KCNN3: variants seen among roughly 807,000 people sequenced by gnomAD.
KCNN3 encodes the protein small conductance calcium-activated potassium channel protein 3.
Under a neutral mutation model 62.9 loss-of-function variants are expected in KCNN3, and 16 were observed. That is an observed-to-expected ratio of 0.25 (90% CI 0.17 to 0.39). KCNN3 has a LOEUF of 0.39. Ranked by LOEUF, KCNN3 falls within the 10% of genes least tolerant of loss-of-function variation. The pLI, the probability that KCNN3 is intolerant of heterozygous loss-of-function variation, is 1.00. For synonymous variants in KCNN3, 370 were observed against 389.2 expected (o/e 0.95, Z 0.58); for missense variants, 599 against 949.4 (o/e 0.63, Z 4.85).
At chr1:154,758,711 C>T (rs1213336798) in intron 3 of KCNN3, among the ~76,000 whole-genome samples, 1 of 152,192 alleles carries the variant, frequency 6.6e-6, no homozygotes, top group Non-Finnish European at 1.5e-5. Flanking sequence ...CACCCATATT[C>T]CCTCTCAGCT....
Position 154,869,957 on chromosome 1 carries a change from G to A in KCNN3, c.8C>T (p.Thr3Ile), listed in dbSNP as rs879156430. The change falls in exon 1 of 8, where the codon ACT becomes ATT. Residue 3 changes from threonine to isoleucine, a missense_variant. Coordinates refer to ENST00000271915, the MANE Select transcript of KCNN3 (RefSeq NM_002249.6). This position sits in a 1 kb window ranked among gnomAD's most constrained non-coding sequence, Gnocchi z 6.1. The stretch of plus-strand genomic sequence containing the variant: ...CCCCGAGTCATGGAAGTGCCCAGAA[G>A]TGTCCATCTTGGGGCCTGGCTGTAT... MD[T>I]SGHFHDSGVG... The A allele has an allele frequency of 2.5e-6, 4 of 1,611,098 alleles. No homozygotes were observed. The highest frequency in any genetic ancestry group is 3.4e-6 in the Non-Finnish European group (4 of 1,178,712).
At chr1:154,855,739 T>C (rs1369221313) in intron 1 of KCNN3, among the ~76,000 whole-genome samples, 1 of 152,220 alleles carries the variant, frequency 6.6e-6, no homozygotes, top group Non-Finnish European at 1.5e-5. Flanking sequence ...AACAATACAC[T>C]GGCACATAAC....
intron 3 of KCNN3, among the ~76,000 whole-genome samples, chr1:154,735,399 G>T (rs955803769): frequency 5.3e-5 from 8 of 152,162 alleles, no homozygotes; most frequent in African/African-American, 1.9e-4. Flanking sequence ...ATGGGTGTCT[G>T]GTACTTCTGG....
chr1:154,787,779 C>T (rs1452651353), intron 2 of KCNN3, among the ~76,000 whole-genome samples: 3 of 152,204 alleles, frequency 2.0e-5, no homozygotes, highest in African/African-American at 4.8e-5. Context: ...TCTAAACCCC[C>T]GTTTGGATAT....
chr1:154,739,628 G>A lies in KCNN3; in HGVS notation c.1449-6484C>T, dbSNP rs188042931. ...CTTTTGCAATCCTTTCCTTTTGAGT[G>A]TGGGCTGGACCAAGTAACTGGTTTC... On this transcript the variant is annotated intron_variant, in intron 3 of 7. Transcript: ENST00000271915. Among the ~76,000 whole-genome samples the A allele has an allele frequency of 2.3e-3, 357 of 152,314 alleles. 1 individual carries two copies. In the Middle Eastern group the frequency reaches 0.024, roughly 10 times the overall value.
At chr1:154,776,717 T>C (rs917878254) in intron 2 of KCNN3, among the ~76,000 whole-genome samples, 3 of 152,210 alleles carry the variant, frequency 2.0e-5, no homozygotes. Flanking sequence ...ATCCCAATTA[T>C]TGATTTGCAT....
chr1:154,703,907 A>AT lies in KCNN3; in HGVS notation c.*4068dup, dbSNP rs1699915444. On this transcript the variant is annotated 3_prime_UTR_variant, in exon 8 of 8. Coordinates refer to ENST00000271915, the MANE Select transcript of KCNN3 (RefSeq NM_002249.6). ...CTTAAGAATATTAATTATTCTCTTCATTTTAAGTACAGAGAAATTGATGTA... is the reference window on the plus strand; with the variant it reads ...CTTAAGAATATTAATTATTCTCTTCATTTTTAAGTACAGAGAAATTGATGTA... 6.6e-6 allele frequency: 1 copy of AT among 152,204 alleles called. No individual in the cohort carries two copies. Among genetic ancestry groups the AT allele is most frequent in the Admixed American group, 6.5e-5 (1 of 15,288 alleles). The allele number at this position is 152,204 out of a possible 1,614,324, so 9.4% of individuals were successfully genotyped here.
At position 154,707,757 on chromosome 1, in the gene KCNN3, C is replaced by T. The variant is rs926172431; in HGVS notation, c.*219G>A. The T allele has an allele frequency of 1.8e-6, 1 of 559,344 alleles. No homozygotes were observed. Among genetic ancestry groups the T allele is most frequent in the African/African-American group, 1.9e-5 (1 of 52,746 alleles). 34.6% of individuals were successfully genotyped at this position (559,344 alleles called of 1,614,324 possible). On this transcript the variant is annotated 3_prime_UTR_variant, in exon 8 of 8. Coordinates refer to ENST00000271915, the MANE Select transcript of KCNN3 (RefSeq NM_002249.6). Reference sequence around the variant, plus strand: ...GAGGCGTCGCTTCCTGTCATCTCCTCTTCCCGCTCCCAAGTAGAGGCACCT... The same window carrying T: ...GAGGCGTCGCTTCCTGTCATCTCCTTTTCCCGCTCCCAAGTAGAGGCACCT...
At chr1:154,770,296 C>A (rs746969138) in intron 3 of KCNN3, among the ~76,000 whole-genome samples, 1 of 152,220 alleles carries the variant, frequency 6.6e-6, no homozygotes, top group African/African-American at 2.4e-5. Context: ...CCTTGTTCTG[C>A]GGCAGCAGAA....
chr1:154,758,924 C>T (rs1365384882), intron 3 of KCNN3, among the ~76,000 whole-genome samples: 2 of 152,058 alleles, frequency 1.3e-5, no homozygotes, highest in African/African-American at 2.4e-5. Context: ...TCTCTTGCCT[C>T]GGCCTCGTGA....
intron 3 of KCNN3, among the ~76,000 whole-genome samples, chr1:154,747,179 T>C (rs1436030554): frequency 6.6e-6 from 1 of 152,196 alleles, no homozygotes; most frequent in Non-Finnish European, 1.5e-5. Context: ...TTGGCTCCTC[T>C]AGCTCTCTCA....
chr1:154,721,039 A>C (rs1700335877), intron 5 of KCNN3, among the ~76,000 whole-genome samples: 1 of 152,168 alleles, frequency 6.6e-6, no homozygotes, highest in African/African-American at 2.4e-5. Context: ...AGAAGGAAAT[A>C]GTTTAGGGAA....
chr1:154,844,309 A>G (rs997972696), intron 1 of KCNN3, among the ~76,000 whole-genome samples: 15 of 152,380 alleles, frequency 9.8e-5, no homozygotes, highest in Middle Eastern at 3.4e-3. Context: ...AAGGTTCTAG[A>G]GAGAGATTTT....
At chr1:154,858,667 A>G (rs34245846) in intron 1 of KCNN3, among the ~76,000 whole-genome samples, 43,137 of 151,932 alleles carry the variant, frequency 0.28, 6,736 homozygotes, top group African/African-American at 0.4. Flanking sequence ...AACTAAAACC[A>G]GGAATTCCAG....
intron 2 of KCNN3, among the ~76,000 whole-genome samples, chr1:154,802,528 C>T (rs1650002207): frequency 6.6e-6 from 1 of 152,158 alleles, no homozygotes; most frequent in Non-Finnish European, 1.5e-5. Flanking sequence ...TGTCCAAGCT[C>T]AGGGGCTCAG....
rs1699824857 is a variant in KCNN3, at chr1:154,700,202, A to G, written c.*7774T>C. 1 of 152,232 alleles carries G rather than the reference A, an allele frequency of 6.6e-6. No individual in the cohort carries two copies. Among genetic ancestry groups the G allele is most frequent in the Non-Finnish European group, 1.5e-5 (1 of 68,040 alleles). The allele number at this position is 152,232 out of a possible 1,614,324, so 9.4% of individuals were successfully genotyped here. On this transcript the variant is annotated 3_prime_UTR_variant, in exon 8 of 8. Coordinates refer to ENST00000271915, the MANE Select transcript of KCNN3 (RefSeq NM_002249.6). The stretch of plus-strand genomic sequence containing the variant: ...CAGTGCTTATCAATATTTCTGGTGC[A>G]TACAGGTCACCTGGGGATTTGTTAA...
rs564474864 is a variant in KCNN3 at position 154,825,858 on chromosome 1, C to T, written c.934-3674G>A. On this transcript the variant is annotated intron_variant, in intron 1 of 7. Coordinates refer to ENST00000271915, the MANE Select transcript of KCNN3 (RefSeq NM_002249.6). Reference sequence around the variant, plus strand: ...GGTCAGGAGATCGAGACCATCCTGGCTAACACAGTGAAACCTCATCTCTAC... The same window carrying T: ...GGTCAGGAGATCGAGACCATCCTGGTTAACACAGTGAAACCTCATCTCTAC... 4.6e-5 allele frequency among the ~76,000 whole-genome samples: 7 copies of T among 151,264 alleles called. No individual in the cohort carries two copies. The South Asian group carries it at 1.5e-3, about 32-fold the overall frequency.
chr1:154,820,720 T>C (rs1247864640), intron 2 of KCNN3, among the ~76,000 whole-genome samples: 1 of 152,238 alleles, frequency 6.6e-6, no homozygotes, highest in Non-Finnish European at 1.5e-5. Context: ...TGAAGGAAGC[T>C]GCCTGGTGGC....
chr1:154,779,030 C>G (rs1005158817), intron 2 of KCNN3, among the ~76,000 whole-genome samples: 1 of 152,096 alleles, frequency 6.6e-6, no homozygotes, highest in Non-Finnish European at 1.5e-5. Context: ...TCACTATAGA[C>G]ACATGGCCTC....
Sources: gnomAD v4.1 joint callset for allele counts (sites outside exome capture counted in the v4.1 genomes callset) on GRCh38, gnomAD v4.1.1 for gene constraint, Gnocchi (gnomAD v3.1) non-coding constraint, MANE v1.5 for transcripts, NCBI Gene and HGNC (gene_info 2026-07-23, HGNC 2026-07-21) for gene names.